FOXP1: variants seen among roughly 807,000 people sequenced by gnomAD.
The protein encoded by FOXP1 is forkhead box P1.
FOXP1 carries 15 observed loss-of-function variants against 98.2 expected under a neutral mutation model. The observed-to-expected ratio is 0.15, with a 90% CI of 0.10 to 0.24. The LOEUF is 0.24. FOXP1 is among the 10% of genes least tolerant of loss of function. FOXP1 has a pLI of 1.00. For missense variants in FOXP1, 633 were observed against 848.5 expected (o/e 0.75, Z 3.15); for synonymous variants, 371 against 314.5 (o/e 1.18, Z -1.90).
At chr3:71,255,701 C>T (rs753690628) in intron 5 of FOXP1, among the ~76,000 whole-genome samples, 9 of 152,074 alleles carry the variant, frequency 5.9e-5, no homozygotes, top group African/African-American at 1.9e-4. Context: ...AAAATTGATT[C>T]GATTATGATG....
intron 2 of FOXP1, chr3:71,572,847 T>C (rs374311848): frequency 8.5e-5 from 13 of 152,314 alleles, no homozygotes; most frequent in African/African-American, 2.9e-4. Context: ...TATTTCACAA[T>C]GAAAATGGAA....
intron 9 of FOXP1, among the ~76,000 whole-genome samples, chr3:71,047,342 C>A (rs1039345414): frequency 6.6e-6 from 1 of 152,102 alleles, no homozygotes; most frequent in African/African-American, 2.4e-5. Flanking sequence ...GCCAGCTTTC[C>A]CCCCAGTTTG....
At position 70,954,791 on chromosome 3, in the gene FOXP1, A is replaced by AT. The variant is rs557812253; in HGVS notation, c.*4455dup. 1.0e-3 allele frequency: 242 copies of AT among 230,960 alleles called. No individual in the cohort carries two copies. Among genetic ancestry groups the AT allele is most frequent in the African/African-American group, 5.0e-3 (225 of 45,240 alleles). 14.3% of individuals were successfully genotyped at this position (230,960 alleles called of 1,614,324 possible). On this transcript the variant is annotated 3_prime_UTR_variant, in exon 21 of 21. Transcript: ENST00000649528. ...CAGTAATTAGTACTGACTACACAACATTTTTTTTATTGTCTGTATCCGCAG... is the reference window on the plus strand; with the variant it reads ...CAGTAATTAGTACTGACTACACAACATTTTTTTTTATTGTCTGTATCCGCAG...
At chr3:71,148,488 G>C (rs1435773302) in intron 6 of FOXP1, among the ~76,000 whole-genome samples, 1 of 152,140 alleles carries the variant, frequency 6.6e-6, no homozygotes, top group African/African-American at 2.4e-5. Context: ...TTACTGATTT[G>C]TTTTTATTAC....
intron 5 of FOXP1, among the ~76,000 whole-genome samples, chr3:71,257,339 G>A (rs2068713234): frequency 6.6e-6 from 1 of 152,176 alleles, no homozygotes; most frequent in Non-Finnish European, 1.5e-5. Flanking sequence ...CACTTTGGGA[G>A]GCCGAGATGG....
At chr3:71,343,313 T>C (rs567101227) in intron 4 of FOXP1, among the ~76,000 whole-genome samples, 1 of 152,292 alleles carries the variant, frequency 6.6e-6, no homozygotes, top group South Asian at 2.1e-4. Context: ...TGTGCATACA[T>C]TGATTTTTTT....
intron 5 of FOXP1, among the ~76,000 whole-genome samples, chr3:71,246,280 G>T (rs917972246): frequency 4.6e-5 from 7 of 152,174 alleles, no homozygotes; most frequent in Admixed American, 3.3e-4. Context: ...GGGAGGACAG[G>T]GACAGTGATG....
chr3:70,995,390 C>A (rs1033916096), intron 13 of FOXP1, among the ~76,000 whole-genome samples: 2 of 152,176 alleles, frequency 1.3e-5, no homozygotes, highest in Non-Finnish European at 2.9e-5. Flanking sequence ...ATTTCATAAC[C>A]TGTATAAGAT....
intron 3 of FOXP1, among the ~76,000 whole-genome samples, chr3:71,380,492 T>C (rs2080062311): frequency 6.6e-6 from 1 of 152,228 alleles, no homozygotes; most frequent in African/African-American, 2.4e-5. Context: ...GTAGCCAGTA[T>C]AGTTTAAGAA....
At chr3:70,974,874 A>G (rs2037163030) in intron 17 of FOXP1, among the ~76,000 whole-genome samples, 3 of 152,232 alleles carry the variant, frequency 2.0e-5, no homozygotes, top group African/African-American at 7.2e-5. Context: ...GTTGAGCAAT[A>G]TAACCATGTG....
At chr3:71,552,022 C>A (rs572118877) in intron 2 of FOXP1, among the ~76,000 whole-genome samples, 18 of 152,282 alleles carry the variant, frequency 1.2e-4, no homozygotes, top group South Asian at 4.1e-4. Context: ...TCATCCTTTA[C>A]TAAGTGCCTG....
chr3:71,050,394 TCC>T (rs2049709242), intron 9 of FOXP1, among the ~76,000 whole-genome samples: 1 of 152,174 alleles, frequency 6.6e-6, no homozygotes, highest in Non-Finnish European at 1.5e-5. Flanking sequence ...AAAAACGCAA[TCC>T]CTGGTAACTG....
At chr3:71,549,392 T>A (rs972465803) in intron 2 of FOXP1, among the ~76,000 whole-genome samples, 1 of 152,192 alleles carries the variant, frequency 6.6e-6, no homozygotes, top group Non-Finnish European at 1.5e-5. Flanking sequence ...AAAAATTTTT[T>A]GAGATGGAGT....
chr3:71,366,815 G>A (rs896493926), intron 3 of FOXP1, among the ~76,000 whole-genome samples: 4 of 152,158 alleles, frequency 2.6e-5, no homozygotes, highest in African/African-American at 9.7e-5. Flanking sequence ...CAACTGAATA[G>A]ACCACCTTAC....
intron 5 of FOXP1, among the ~76,000 whole-genome samples, chr3:71,228,365 G>A (rs138952685): frequency 3.3e-5 from 5 of 151,668 alleles, no homozygotes; most frequent in Non-Finnish European, 5.9e-5. Context: ...TTACTCAGGT[G>A]TACTCTAAAT....
intron 7 of FOXP1, among the ~76,000 whole-genome samples, chr3:71,090,075 G>A (rs530082492): frequency 4.6e-5 from 7 of 152,040 alleles, no homozygotes; most frequent in South Asian, 2.1e-4. Context: ...CAAAAAGTTC[G>A]AACCAAAAAA....
At chr3:71,444,804 CAGAA>C (rs1426469516) in intron 3 of FOXP1, among the ~76,000 whole-genome samples, 1 of 152,136 alleles carries the variant, frequency 6.6e-6, no homozygotes, top group East Asian at 1.9e-4. Context: ...CTGCTGCAGA[CAGAA>C]AGGCAACTGA....
chr3:71,451,300 A>C (rs2086928986), intron 3 of FOXP1, among the ~76,000 whole-genome samples: 1 of 152,214 alleles, frequency 6.6e-6, no homozygotes, highest in African/African-American at 2.4e-5. Flanking sequence ...AGATCTAAAG[A>C]GGGTGATGTT....
intron 3 of FOXP1, among the ~76,000 whole-genome samples, chr3:71,423,160 C>A (rs1280136577): frequency 6.6e-6 from 1 of 152,222 alleles, no homozygotes; most frequent in Non-Finnish European, 1.5e-5. Context: ...CTTCAAAGCT[C>A]TCACTGAGGG....
Sources: gnomAD v4.1 joint callset for allele counts (sites outside exome capture counted in the v4.1 genomes callset) on GRCh38, gnomAD v4.1.1 for gene constraint, MANE v1.5 for transcripts, NCBI Gene and HGNC (gene_info 2026-07-23, HGNC 2026-07-21) for gene names.